Variants in LITAF observed in about 807,000 individuals in gnomAD.
The protein encoded by LITAF is lipopolysaccharide induced TNF factor.
In LITAF, 9 loss-of-function variants were observed where a neutral mutation model predicts 14.5. The observed-to-expected ratio is 0.62, with a 90% confidence interval of 0.37 to 1.08. LITAF has a LOEUF of 1.08. Ranked by LOEUF, LITAF falls within the 50% of genes least tolerant of loss-of-function variation. The pLI, the probability that LITAF is intolerant of heterozygous loss-of-function variation, is 0.01. For missense variants in LITAF, 206 were observed against 213.4 expected (o/e 0.97, Z 0.22); for synonymous variants, 98 against 88.2 (o/e 1.11, Z -0.62).
At chr16:11,625,775 C>G (rs1157347282) in intron 3 of LITAF, among the ~76,000 whole-genome samples, 1 of 152,074 alleles carries the variant, frequency 6.6e-6, no homozygotes, top group East Asian at 1.9e-4. Flanking sequence ...GCTGTGTGCC[C>G]GCGCTGGAGA....
intron 3 of LITAF, among the ~76,000 whole-genome samples, chr16:11,631,934 C>T (rs2065120250): frequency 1.3e-5 from 2 of 150,888 alleles, no homozygotes; most frequent in Admixed American, 1.3e-4. Flanking sequence ...ACTGCAATCT[C>T]TGCCTCCCTG....
chr16:11,602,544 G>T (rs1258308007), upstream of LITAF, among the ~76,000 whole-genome samples: 3 of 152,070 alleles, frequency 2.0e-5, no homozygotes, highest in South Asian at 6.2e-4. Flanking sequence ...CTGTCTGCAG[G>T]TCACACCTGC....
chr16:11,635,120 G>C (rs1442632207), intron 2 of LITAF, among the ~76,000 whole-genome samples: 2 of 152,128 alleles, frequency 1.3e-5, no homozygotes, highest in South Asian at 4.1e-4. Flanking sequence ...AGCCAGCTCT[G>C]TGTGAATTAA....
intron 3 of LITAF, among the ~76,000 whole-genome samples, chr16:11,551,537 T>C (rs1174483846): frequency 1.3e-5 from 2 of 152,192 alleles, no homozygotes; most frequent in Admixed American, 1.3e-4. Flanking sequence ...CAGAGGCCAA[T>C]ACTCAATGTA....
upstream of LITAF, among the ~76,000 whole-genome samples, chr16:11,638,076 ATCTATATCTATCTATCTATC>A (rs1406292158): frequency 3.8e-3 from 326 of 86,152 alleles, 35 homozygotes; most frequent in African/African-American, 8.8e-3. Context: ...CTATATATAT[ATCTATATCTATCTATCTATC>A]TATATATATA....
upstream of LITAF, among the ~76,000 whole-genome samples, chr16:11,603,389 C>A (rs1294168301): frequency 6.6e-6 from 1 of 152,232 alleles, no homozygotes; most frequent in Non-Finnish European, 1.5e-5. Context: ...ATCCCTGCCC[C>A]AGGGGCTCTG....
At chr16:11,587,323 G>A, upstream of LITAF, 1 of 448,184 alleles carries the variant, frequency 2.2e-6, no homozygotes, top group Non-Finnish European at 4.5e-6. Flanking sequence ...ACTTCCAGGC[G>A]GCGGGACCAC....
rs1420346692 is a variant in LITAF at position 11,548,166 on chromosome 16, C to G, written c.*1471G>C. The G allele has an allele frequency of 4.4e-6, 2 of 453,998 alleles. No individual in the cohort carries two copies. Among genetic ancestry groups the G allele is most frequent in the East Asian group, 1.4e-4 (2 of 14,416 alleles). The allele number at this position is 453,998 out of a possible 1,614,324, so 28.1% of individuals were successfully genotyped here. ...TTCAACCAATATACAGATGTTCGCT[C>G]AAGGTCTAGGTTTTATTTCTACATA... On this transcript the variant is annotated 3_prime_UTR_variant, in exon 4 of 4. Coordinates refer to ENST00000622633, the MANE Select transcript of LITAF (RefSeq NM_001136472.2).
At chr16:11,586,938 C>T (rs2064814893), upstream of LITAF, 3 of 151,196 alleles carry the variant, frequency 2.0e-5, no homozygotes, top group African/African-American at 7.3e-5. The surrounding 1 kb of genome is among the most constrained non-coding windows in gnomAD (Gnocchi z 6.5). Context: ...CTCTCGGGCG[C>T]CCCGAGAAAA....
chr16:11,554,438 G>C (rs976356688), intron 2 of LITAF, among the ~76,000 whole-genome samples: 5 of 152,022 alleles, frequency 3.3e-5, no homozygotes, highest in African/African-American at 1.2e-4. Flanking sequence ...ATAAAATAAT[G>C]CTAGGAAGAA....
upstream of LITAF, among the ~76,000 whole-genome samples, chr16:11,588,538 AAAAGAAG>A (rs1250430876): frequency 6.2e-3 from 859 of 137,768 alleles, 5 homozygotes; most frequent in Admixed American, 0.012. Flanking sequence ...AAAAGAAAGA[AAAAGAAG>A]AAAGAAAGAG....
chr16:11,627,519 G>A (rs939139140), intron 3 of LITAF, among the ~76,000 whole-genome samples: 5 of 152,328 alleles, frequency 3.3e-5, no homozygotes, highest in African/African-American at 7.2e-5. Flanking sequence ...GCAGCATTCT[G>A]CTATTCATCC....
intron 1 of LITAF, among the ~76,000 whole-genome samples, chr16:11,582,893 G>C (rs970174669): frequency 1.3e-5 from 2 of 152,180 alleles, no homozygotes; most frequent in Non-Finnish European, 2.9e-5. Flanking sequence ...AAACTAAGGA[G>C]GGTCACCTGG....
intron 1 of LITAF, among the ~76,000 whole-genome samples, chr16:11,573,283 T>C (rs1229654601): frequency 6.6e-6 from 1 of 152,024 alleles, no homozygotes; most frequent in Non-Finnish European, 1.5e-5. Flanking sequence ...ATGATATCAT[T>C]TGTCACCCAT....
chr16:11,556,285 G>A (rs867761892), intron 2 of LITAF: 30 of 561,154 alleles, frequency 5.3e-5, no homozygotes, highest in South Asian at 2.7e-4. Context: ...ATTCGTATAT[G>A]ATGACCATGG....
intron 1 of LITAF, among the ~76,000 whole-genome samples, chr16:11,573,988 C>T (rs2064588533): frequency 6.7e-6 from 1 of 150,026 alleles, no homozygotes; most frequent in South Asian, 2.1e-4. Context: ...AGGCATGAGC[C>T]AAGGTGCCCG....
intron 2 of LITAF, among the ~76,000 whole-genome samples, chr16:11,635,519 G>A (rs769611580): frequency 2.0e-5 from 3 of 152,020 alleles, no homozygotes; most frequent in Non-Finnish European, 4.4e-5. Context: ...GTCACCTCTC[G>A]GGTTATAATA....
At chr16:11,591,055 A>G (rs1407505763), upstream of LITAF, among the ~76,000 whole-genome samples, 2 of 118,726 alleles carry the variant, frequency 1.7e-5, 1 homozygote, top group Non-Finnish European at 3.4e-5. Context: ...AATCTCTATC[A>G]AAATTCCAGC....
At position 11,625,246 on chromosome 16, in the gene LITAF, G is replaced by A. The variant is rs1422950343; in HGVS notation, c.85+8287C>T. On this transcript the variant is annotated intron_variant, in intron 3 of 3. Transcript: ENST00000574848. ...GGTGTGATGGTGGGTGGTGTCTCCC[G>A]AGATCACCTCCCAAAAACCTTTTTT... Among the ~76,000 whole-genome samples the A allele has an allele frequency of 5.3e-5, 8 of 150,620 alleles. No homozygotes were observed. The East Asian group carries it at 7.8e-4, about 15-fold the overall frequency.
Sources: gnomAD v4.1 joint callset for allele counts (sites outside exome capture counted in the v4.1 genomes callset) on GRCh38, gnomAD v4.1.1 for gene constraint, Gnocchi (gnomAD v3.1) non-coding constraint, MANE v1.5 for transcripts, NCBI Gene and HGNC (gene_info 2026-07-23, HGNC 2026-07-21) for gene names.